Variants in RP1 observed in about 807,000 individuals in gnomAD.
RP1 encodes the protein oxygen-regulated protein 1.
In RP1, 16 loss-of-function variants were observed where a neutral mutation model predicts 14.8. That is an observed-to-expected ratio of 1.08 (90% CI 0.73 to 1.65). The LOEUF (loss-of-function observed/expected upper bound fraction) is 1.65, where lower values mean the gene tolerates loss of function less well. Ranked by LOEUF, RP1 falls within the 40% of genes most tolerant of loss-of-function variation. The pLI, the probability that RP1 is intolerant of heterozygous loss-of-function variation, is 0.00. For synonymous variants in RP1, 876 were observed against 883.6 expected (o/e 0.99, Z 0.15); for missense variants, 2,631 against 2,535.0 (o/e 1.04, Z -0.81).
rs908433668 is a variant in RP1 at position 54,788,149 on chromosome 8, G to C, written c.3615+4439G>C. 1.1e-4 allele frequency among the ~76,000 whole-genome samples: 16 copies of C among 152,328 alleles called. No homozygotes were observed. In the East Asian group the frequency reaches 2.7e-3, roughly 26 times the overall value. On this transcript the variant is annotated intron_variant, in intron 24 of 28. Transcript: ENST00000637698. Reference sequence around the variant, plus strand: ...ATGAATGAAGGCAGGAAGGCAGCTTGGCAGATGGCTGGTGGGTGGCTATTT... The same window carrying C: ...ATGAATGAAGGCAGGAAGGCAGCTTCGCAGATGGCTGGTGGGTGGCTATTT...
At chr8:54,723,311 TAG>T (rs1450736470) in intron 16 of RP1, among the ~76,000 whole-genome samples, 1 of 152,218 alleles carries the variant, frequency 6.6e-6, no homozygotes, top group African/African-American at 2.4e-5. Flanking sequence ...ATCACTTAAA[TAG>T]AGTCGATAGA....
rs183485244 is a variant in RP1, at chr8:54,564,553, G to C, written c.-13+5233G>C. Among the ~76,000 whole-genome samples the C allele has an allele frequency of 1.1e-4, 17 of 152,276 alleles. No individual in the cohort carries two copies. In the East Asian group the frequency reaches 3.1e-3, roughly 28 times the overall value. On this transcript the variant is annotated intron_variant, in intron 1 of 22. Coordinates refer to the RP1 transcript ENST00000636932. ...ATGTCTTGGTGATTGTTTCAGTCCC[G>C]TTTCACAGATGACAAAAACAGGCTC...
At chr8:54,750,722 G>A (rs535092464) in intron 19 of RP1, among the ~76,000 whole-genome samples, 12 of 39,948 alleles carry the variant, frequency 3.0e-4, no homozygotes, top group African/African-American at 1.8e-3. Context: ...CTATAAAAAC[G>A]CACCAATCAG....
chr8:54,611,722 C>T (rs980490616), upstream of RP1, among the ~76,000 whole-genome samples: 1 of 151,986 alleles, frequency 6.6e-6, no homozygotes, highest in African/African-American at 2.4e-5. Context: ...TATTTTGTTC[C>T]TTTTAATGGG....
intron 24 of RP1, among the ~76,000 whole-genome samples, chr8:54,787,620 C>T (rs1468378185): frequency 1.3e-5 from 2 of 152,032 alleles, no homozygotes; most frequent in Admixed American, 6.6e-5. Flanking sequence ...TAGTATTCTC[C>T]GTTGCTGGGA....
intron 12 of RP1, among the ~76,000 whole-genome samples, chr8:54,681,508 G>A (rs1483380919): frequency 2.6e-5 from 4 of 151,400 alleles, no homozygotes; most frequent in African/African-American, 7.3e-5. Flanking sequence ...GTGTGTGTGT[G>A]TGTGTGTGTG....
chr8:54,836,700 G>T (rs572294455), intron 24 of RP1, among the ~76,000 whole-genome samples: 29 of 152,262 alleles, frequency 1.9e-4, no homozygotes, highest in Non-Finnish European at 3.2e-4. Context: ...CTTGATCTCA[G>T]ACTGGGTGGT....
At chr8:54,809,422 G>A (rs1481261987) in intron 24 of RP1, among the ~76,000 whole-genome samples, 1 of 152,162 alleles carries the variant, frequency 6.6e-6, no homozygotes, top group Non-Finnish European at 1.5e-5. Flanking sequence ...AGCAATGGGG[G>A]TTCAGTGGCA....
chr8:54,746,863 T>C (rs991041606), intron 19 of RP1, among the ~76,000 whole-genome samples: 1 of 152,212 alleles, frequency 6.6e-6, no homozygotes, highest in African/African-American at 2.4e-5. Context: ...AAAAAATAAA[T>C]GAAACATAAT....
intron 24 of RP1, among the ~76,000 whole-genome samples, chr8:54,786,980 A>G (rs1810333460): frequency 6.6e-6 from 1 of 152,140 alleles, no homozygotes; most frequent in Non-Finnish European, 1.5e-5. Flanking sequence ...AACTGTTCAT[A>G]TGGTAGGTGA....
At chr8:54,755,711 G>A (rs1809489966) in exon 21 of RP1, 1 of 1,535,610 alleles carries the variant, frequency 6.5e-7, no homozygotes, top group Admixed American at 2.0e-5. Context: ...GGAGAGGGGA[G>A]ACTCTGGCCT....
intron 4 of RP1, among the ~76,000 whole-genome samples, chr8:54,649,938 G>A (rs1806622785): frequency 6.6e-6 from 1 of 152,092 alleles, no homozygotes; most frequent in African/African-American, 2.4e-5. Flanking sequence ...TCCTATATGA[G>A]TCAATATTTA....
chr8:54,714,673 G>A (rs2129348047), intron 15 of RP1, among the ~76,000 whole-genome samples: 1 of 152,262 alleles, frequency 6.6e-6, no homozygotes, highest in South Asian at 2.1e-4. Context: ...GTTAATCTGA[G>A]TAATAATAAA....
chr8:54,681,435 C>T (rs1807424969), intron 12 of RP1, among the ~76,000 whole-genome samples: 1 of 150,842 alleles, frequency 6.6e-6, no homozygotes, highest in Non-Finnish European at 1.5e-5. Flanking sequence ...GAGAAATTTG[C>T]AAATTAGGAA....
intron 1 of RP1, among the ~76,000 whole-genome samples, chr8:54,574,403 G>A (rs749027293): frequency 2.2e-4 from 33 of 152,154 alleles, no homozygotes; most frequent in Non-Finnish European, 3.8e-4. Context: ...GGAAAGGTCT[G>A]TTAGAGGAAG....
chr8:54,616,907 A>G (rs1377578578), intron 1 of RP1, among the ~76,000 whole-genome samples: 2 of 152,202 alleles, frequency 1.3e-5, no homozygotes, highest in Non-Finnish European at 2.9e-5. Flanking sequence ...GCTGTAAATG[A>G]TTGTTTTAAG....
Position 54,630,254 on chromosome 8 carries a change from A to G in RP1, c.6372A>G (p.Glu2124=). Residue 2124 remains glutamate, a synonymous_variant, in exon 4 of 4, where the codon GAA becomes GAG. Transcript: ENST00000220676. ...SLNISNRNIL[E]LCMFEGENLF... is the part of the protein sequence containing the mutation. ...ATATTAGCAACAGAAATATTTTAGA[A>G]CTTTGTATGTTTGAGGGTGAAAATC... is the stretch of plus-strand genomic sequence containing the variant. 6 of 1,613,712 alleles carry G rather than the reference A, an allele frequency of 3.7e-6. No individual in the cohort carries two copies. Among genetic ancestry groups the G allele is most frequent in the Non-Finnish European group, 5.1e-6 (6 of 1,179,890 alleles).
rs181308307 is a variant in RP1, at chr8:54,696,841, C to A, written c.1718-2626C>A. 2.9e-3 allele frequency: 2,141 copies of A among 747,920 alleles called. 7 individuals carry two copies. The highest frequency in any genetic ancestry group is 4.0e-3 in the Non-Finnish European group (1,659 of 412,454). The allele number at this position is 747,920 out of a possible 1,614,324, so 46.3% of individuals were successfully genotyped here. On this transcript the variant is annotated intron_variant, in intron 12 of 22. Transcript: ENST00000636932. Reference sequence around the variant, plus strand: ...GCGGATTTCCAAATCTGAAGTCTGTCCAGTAACTCATTTTGAAATGTGGAC... The same window carrying A: ...GCGGATTTCCAAATCTGAAGTCTGTACAGTAACTCATTTTGAAATGTGGAC...
chr8:54,715,565 G>T (rs2129348398), intron 15 of RP1, among the ~76,000 whole-genome samples: 1 of 152,280 alleles, frequency 6.6e-6, no homozygotes, highest in African/African-American at 2.4e-5. Context: ...ATAGTTAATT[G>T]GTAATCCCTT....
Sources: allele counts gnomAD v4.1 joint callset (sites outside exome capture counted in the v4.1 genomes callset), GRCh38; gene constraint gnomAD v4.1.1; transcripts MANE v1.5; gene names NCBI Gene and HGNC (gene_info 2026-07-23, HGNC 2026-07-21).